Variants in HECW2 observed in about 807,000 individuals in gnomAD.
HECW2 encodes E3 ubiquitin-protein ligase HECW2.
A neutral mutation model predicts 175.2 loss-of-function variants in HECW2; 61 were observed. The observed-to-expected ratio is 0.35, with a 90% CI of 0.28 to 0.43. The LOEUF is 0.43. HECW2 is among the 20% of genes least tolerant of loss of function. HECW2 has a pLI of 1.00. For synonymous variants in HECW2, 671 were observed against 731.0 expected (o/e 0.92, Z 1.32); for missense variants, 1,524 against 2,000.5 (o/e 0.76, Z 4.54).
chr2:196,322,512 G>A lies in HECW2; in HGVS notation c.850C>T (p.Pro284Ser). 6.2e-7 allele frequency: 1 copy of A among 1,614,010 alleles called. No individual in the cohort carries two copies. Among genetic ancestry groups the A allele is most frequent in the Non-Finnish European group, 8.5e-7 (1 of 1,179,958 alleles). The change falls in exon 7 of 29, where the codon CCA (proline) becomes TCA (serine). Residue 284 changes from proline (P) to serine (S), a missense_variant. This residue lies in a region of HECW2 where 95 missense variants were observed against 136.8 expected (regional missense o/e 0.69). Transcript: ENST00000644978. The stretch of plus-strand genomic sequence containing the variant: ...TGTCGCTCCAGCAGCCTCTGGACTG[G>A]AATGGTTAGTTTCCCCAGAAAACGC... ...IKRFLGKLTI[P>S]VQRLLERQAI...
At chr2:196,469,764 A>T (rs1697119591) in intron 1 of HECW2, among the ~76,000 whole-genome samples, 1 of 152,030 alleles carries the variant, frequency 6.6e-6, no homozygotes, top group East Asian at 1.9e-4. Flanking sequence ...AATCCATATG[A>T]GAGAACAAGT....
intron 17 of HECW2, chr2:196,263,652 C>T (rs56150124): frequency 0.083 from 12,692 of 152,290 alleles, 804 homozygotes; most frequent in East Asian, 0.3. Context: ...TTGACAGATA[C>T]AGCCGAGCAG....
At chr2:196,323,912 TTTG>T (rs1439940480) in intron 6 of HECW2, among the ~76,000 whole-genome samples, 1 of 87,900 alleles carries the variant, frequency 1.1e-5, no homozygotes. Flanking sequence ...TTTTTTGTTT[TTTG>T]TTTGTTTTTT....
In HECW2 at chr2:196,433,238, A is replaced by G. The variant is rs1396819837; in HGVS notation, c.186T>C (p.Thr62=). 3.1e-6 allele frequency: 5 copies of G among 1,614,030 alleles called. No homozygotes were observed. The African/African-American group carries it at 6.7e-5, about 22-fold the overall frequency. ...LVTSESRSSL[T]ASMYEYTLGQ... ...CCAGCGTGTACTCGTACATGCTGGC[A>G]GTTAAGCTGGAGCGGCTCTCAGAAG... is the stretch of plus-strand genomic sequence containing the variant. Residue 62 remains threonine, a synonymous_variant, in exon 2 of 29, where the codon ACT becomes ACC. Coordinates refer to ENST00000644978, the MANE Select transcript of HECW2 (RefSeq NM_001348768.2).
intron 1 of HECW2, among the ~76,000 whole-genome samples, chr2:196,480,538 T>C (rs1177818509): frequency 6.6e-6 from 1 of 152,160 alleles, no homozygotes; most frequent in East Asian, 1.9e-4. Context: ...GATGTGGACA[T>C]TGTACAAGTC....
chr2:196,520,032 C>G (rs188825297), intron 1 of HECW2, among the ~76,000 whole-genome samples: 137 of 152,204 alleles, frequency 9.0e-4, no homozygotes, highest in Admixed American at 4.6e-3. Flanking sequence ...GAACATGATA[C>G]AAAACTCTAG....
chr2:196,587,027 T>G (rs936352778), intron 1 of HECW2, among the ~76,000 whole-genome samples: 2 of 152,342 alleles, frequency 1.3e-5, no homozygotes, highest in Middle Eastern at 6.8e-3. Flanking sequence ...GGATAATGTT[T>G]GTCTTTAACT....
chr2:196,195,628 T>C lies in HECW2; in HGVS notation c.*5649A>G, dbSNP rs573435858. 1.2e-4 allele frequency: 18 copies of C among 152,244 alleles called. No individual in the cohort carries two copies. The highest frequency in any genetic ancestry group is 2.1e-4 in the Non-Finnish European group (14 of 68,042). 9.4% of individuals were successfully genotyped at this position (152,244 alleles called of 1,614,324 possible). ...CCAGATTAACAGAGAGCATTTAAGT[T>C]ATCTTTAGAAATCATGAAAATGTCT... On this transcript the variant is annotated 3_prime_UTR_variant, in exon 29 of 29. Transcript: ENST00000644978.
intron 8 of HECW2, 106 bp downstream of exon 8, chr2:196,320,233 A>T (rs1691890074): frequency 1.4e-6 from 1 of 733,324 alleles, no homozygotes; most frequent in Non-Finnish European, 2.3e-6. Flanking sequence ...TTACTTTCAA[A>T]ACAGAACATG....
At chr2:196,548,445 T>C (rs1451344153) in intron 1 of HECW2, among the ~76,000 whole-genome samples, 3 of 151,474 alleles carry the variant, frequency 2.0e-5, no homozygotes. Flanking sequence ...CTCTGAAAGA[T>C]AGATAACTAT....
chr2:196,499,116 G>T (rs1687493422), intron 1 of HECW2, among the ~76,000 whole-genome samples: 1 of 151,980 alleles, frequency 6.6e-6, no homozygotes, highest in Admixed American at 6.6e-5. Context: ...CCATCTCCTT[G>T]CTCAGCTTGC....
rs367649520 is a variant in HECW2, at chr2:196,253,901, G to A, written c.3529+19C>T. On this transcript the variant is annotated intron_variant, in intron 19 of 28. Coordinates refer to ENST00000644978, the MANE Select transcript of HECW2 (RefSeq NM_001348768.2). ...GTTCACTCCTCAGAGAATTCACTGT[G>A]AGCAGCAGGTGGACTCACCTGGCGA... 7.5e-6 allele frequency: 12 copies of A among 1,610,200 alleles called. No individual in the cohort carries two copies. Among genetic ancestry groups the A allele is most frequent in the Non-Finnish European group, 1.0e-5 (12 of 1,176,676 alleles).
At chr2:196,520,463 C>T (rs954827874) in intron 1 of HECW2, among the ~76,000 whole-genome samples, 2 of 152,150 alleles carry the variant, frequency 1.3e-5, no homozygotes, top group African/African-American at 4.8e-5. Context: ...TAATGTGCAC[C>T]TTAAGAGCAC....
intron 17 of HECW2, chr2:196,260,373 G>A (rs982246425): frequency 3.9e-5 from 6 of 152,112 alleles, no homozygotes; most frequent in Non-Finnish European, 7.4e-5. Flanking sequence ...CATCACACCA[G>A]TAAGTACTTT....
At chr2:196,257,228 C>T (rs1035237630) in intron 18 of HECW2, among the ~76,000 whole-genome samples, 2 of 151,072 alleles carry the variant, frequency 1.3e-5, no homozygotes, top group African/African-American at 4.9e-5. Context: ...AGTTTCCTTT[C>T]TAAACTACTC....
chr2:196,221,995 T>C (rs1559445151), intron 24 of HECW2, among the ~76,000 whole-genome samples: 1 of 152,238 alleles, frequency 6.6e-6, no homozygotes, highest in African/African-American at 2.4e-5. Context: ...ACATAAACAG[T>C]TATCACCATC....
chr2:196,339,732 A>G (rs1367922961), intron 3 of HECW2, among the ~76,000 whole-genome samples: 2 of 152,226 alleles, frequency 1.3e-5, no homozygotes, highest in Non-Finnish European at 2.9e-5. Flanking sequence ...GAAACCTCTT[A>G]AATTTTAAAA....
intron 2 of HECW2, among the ~76,000 whole-genome samples, chr2:196,366,851 A>G (rs1693758130): frequency 6.6e-6 from 1 of 152,180 alleles, no homozygotes; most frequent in Non-Finnish European, 1.5e-5. Context: ...TGGGTTCTTC[A>G]GCTATGTTAT....
intron 1 of HECW2, among the ~76,000 whole-genome samples, chr2:196,560,165 G>T (rs1689946836): frequency 1.3e-5 from 2 of 152,146 alleles, no homozygotes; most frequent in African/African-American, 4.8e-5. Context: ...CCCTTTAACA[G>T]CAAAGGTCTC....
Sources: gnomAD v4.1 joint callset for allele counts (sites outside exome capture counted in the v4.1 genomes callset) on GRCh38, gnomAD v4.1.1 for gene constraint, gnomAD v4.1.1 regional missense constraint, MANE v1.5 for transcripts, NCBI Gene and HGNC (gene_info 2026-07-23, HGNC 2026-07-21) for gene names.